The following ZNF469 variants were observed in gnomAD, a reference collection of about 807,000 sequenced individuals.
The protein encoded by ZNF469 is zinc finger protein 469.
A neutral mutation model predicts 1.0 loss-of-function variants in ZNF469; 1 was observed. The observed-to-expected ratio is 1.00, with a 90% CI of 0.35 to 4.73. The LOEUF (loss-of-function observed/expected upper bound fraction) is 4.73, where lower values mean the gene tolerates loss of function less well. ZNF469 is among the 30% of genes most tolerant of loss of function. The pLI, the probability that ZNF469 is intolerant of heterozygous loss-of-function variation, is 0.16. For synonymous variants in ZNF469, 2,703 were observed against 2,363.4 expected, an observed-to-expected ratio of 1.14 and a Z score of -4.17; for missense variants, 6,100 against 5,356.3, an observed-to-expected ratio of 1.14 and a Z score of -4.33.
the ZNF469 span, among the ~76,000 whole-genome samples, chr16:88,236,453 G>T: frequency 6.6e-6 from 1 of 152,202 alleles, no homozygotes; most frequent in Non-Finnish European, 1.5e-5. Context: ...TAGGGAGGCG[G>T]GTATAAAGAG....
At chr16:88,238,693 A>G in the ZNF469 span, among the ~76,000 whole-genome samples, 61 of 151,740 alleles carry the variant, frequency 4.0e-4, no homozygotes, top group Non-Finnish European at 1.5e-4. Context: ...CTTCCTATCA[A>G]CCCTCTTAAA....
At chr16:88,169,780 C>A in the ZNF469 span, among the ~76,000 whole-genome samples, 1 of 152,338 alleles carries the variant, frequency 6.6e-6, no homozygotes, top group East Asian at 1.9e-4. The surrounding 1 kb of genome is among the most constrained non-coding windows in gnomAD (Gnocchi z 6.1). Flanking sequence ...GTTGAACAAA[C>A]CCTTCTCCAG....
chr16:88,367,743 G>A, the ZNF469 span, among the ~76,000 whole-genome samples: 7 of 152,268 alleles, frequency 4.6e-5, no homozygotes, highest in South Asian at 4.2e-4. Context: ...GCTGCTCATC[G>A]GCTGGTCACT....
At chr16:88,321,703 C>T in the ZNF469 span, among the ~76,000 whole-genome samples, 287 of 152,076 alleles carry the variant, frequency 1.9e-3, 2 homozygotes, top group African/African-American at 6.5e-3. Context: ...TCAGATTCTG[C>T]ATGTAAGACC....
At chr16:88,272,467 CAG>C in the ZNF469 span, among the ~76,000 whole-genome samples, 7 of 118,616 alleles carry the variant, frequency 5.9e-5, no homozygotes, top group African/African-American at 2.3e-4. Flanking sequence ...GATGAATGAA[CAG>C]GGGGGTGTAT....
intron 1 of ZNF469, among the ~76,000 whole-genome samples, chr16:88,384,506 C>T (rs1046057780): frequency 1.2e-4 from 18 of 152,220 alleles, no homozygotes; most frequent in African/African-American, 4.3e-4. Flanking sequence ...CAGGCACCCT[C>T]GGAGGAGGTG....
the ZNF469 span, among the ~76,000 whole-genome samples, chr16:88,218,569 G>C: frequency 6.6e-6 from 1 of 151,950 alleles, no homozygotes; most frequent in African/African-American, 2.4e-5. Context: ...ATTCAACAAC[G>C]CTTCATGCTA....
the ZNF469 span, among the ~76,000 whole-genome samples, chr16:88,297,504 T>C: frequency 6.6e-6 from 1 of 152,170 alleles, no homozygotes; most frequent in South Asian, 2.1e-4. Flanking sequence ...TCACTGCCGC[T>C]GAGTCTCTCA....
At chr16:88,418,654 A>G (rs1415619284) in intron 1 of ZNF469, among the ~76,000 whole-genome samples, 1 of 151,886 alleles carries the variant, frequency 6.6e-6, no homozygotes, top group Non-Finnish European at 1.5e-5. Context: ...CCGATAAGAC[A>G]GGACGAACAC....
the ZNF469 span, among the ~76,000 whole-genome samples, chr16:88,290,954 G>A: frequency 6.6e-6 from 1 of 152,178 alleles, no homozygotes; most frequent in Non-Finnish European, 1.5e-5. Context: ...CCAGATCGGA[G>A]CGCGTCAGCC....
chr16:88,431,177 C>A lies in ZNF469; in HGVS notation c.3707C>A (p.Pro1236Gln), dbSNP rs745934280. 1.3e-6 allele frequency: 2 copies of A among 1,550,380 alleles called. No homozygotes were observed. The highest frequency in any genetic ancestry group is 2.0e-5 in the Admixed American group (1 of 51,008). Residue 1236 changes from proline (P) to glutamine (Q), a missense_variant, in exon 3 of 3, where the codon CCG (proline) becomes CAG (glutamine). Pro to Gln is a moderately conservative substitution (Grantham distance 76). Transcript: ENST00000565624. ...CCTGAAACTGCCGAAGAGTCAGCCC[C>A]GGACAGCACAGAATTCACAGAGGCT... ...KEPETAEESA[P>Q]DSTEFTEALR...
chr16:88,387,117 G>A (rs1385903899), intron 1 of ZNF469, among the ~76,000 whole-genome samples: 2 of 152,174 alleles, frequency 1.3e-5, no homozygotes, highest in Non-Finnish European at 1.5e-5. Context: ...CCAGGGGAGC[G>A]CCTTGTGCTA....
chr16:88,202,055 C>A, the ZNF469 span, among the ~76,000 whole-genome samples: 22 of 152,290 alleles, frequency 1.4e-4, no homozygotes, highest in Non-Finnish European at 2.8e-4. Context: ...GTGCTCCCCC[C>A]AGGAGTAGCC....
the ZNF469 span, among the ~76,000 whole-genome samples, chr16:88,119,900 G>C: frequency 2.6e-5 from 4 of 152,226 alleles, no homozygotes; most frequent in Non-Finnish European, 5.9e-5. Flanking sequence ...GGTTCAGTCA[G>C]ACCACATTTG....
the ZNF469 span, among the ~76,000 whole-genome samples, chr16:88,153,276 G>A: frequency 6.6e-6 from 1 of 152,314 alleles, no homozygotes; most frequent in Admixed American, 6.5e-5. Context: ...GCCTTCGTGG[G>A]GGGCCTGCGG....
intron 1 of ZNF469, among the ~76,000 whole-genome samples, chr16:88,387,184 G>A (rs1448917677): frequency 1.3e-5 from 2 of 152,160 alleles, no homozygotes; most frequent in Non-Finnish European, 2.9e-5. Flanking sequence ...CCGCACCCCT[G>A]AGGACCTTCC....
chr16:88,427,861 C>T lies in ZNF469; in HGVS notation c.391C>T (p.Pro131Ser). 1 of 1,549,484 alleles carries T rather than the reference C, an allele frequency of 6.5e-7. No homozygotes were observed. Among genetic ancestry groups the T allele is most frequent in the Non-Finnish European group, 8.7e-7 (1 of 1,146,794 alleles). ...GGGCATCGCCAGCTCGAGGACCAAG[C>T]CCACCCTGGACGAGACACCAGAGAA... Reference protein sequence around the residue: ...ILGIASSRTKPTLDETPENPQ... With the variant: ...ILGIASSRTKSTLDETPENPQ... Residue 131 changes from proline (P) to serine (S), a missense_variant, in exon 3 of 3, where the codon CCC (proline) becomes TCC (serine). Physicochemically the swap from Pro to Ser is moderately conservative, Grantham distance 74. Coordinates refer to ENST00000565624, the MANE Select transcript of ZNF469 (RefSeq NM_001367624.2).
At chr16:88,348,790 A>G in the ZNF469 span, among the ~76,000 whole-genome samples, 1 of 152,188 alleles carries the variant, frequency 6.6e-6, no homozygotes, top group East Asian at 1.9e-4. Context: ...GAAGAGTTGA[A>G]GAAGACCTGT....
chr16:88,251,598 G>T, the ZNF469 span, among the ~76,000 whole-genome samples: 1 of 110,306 alleles, frequency 9.1e-6, no homozygotes, highest in Non-Finnish European at 1.7e-5. Flanking sequence ...TTGCTGTGTC[G>T]CCCAGGTTAC....
Sources: allele counts gnomAD v4.1 joint callset (sites outside exome capture counted in the v4.1 genomes callset), GRCh38; gene constraint gnomAD v4.1.1; non-coding constraint Gnocchi (gnomAD v3.1); transcripts MANE v1.5; gene names NCBI Gene and HGNC (gene_info 2026-07-23, HGNC 2026-07-21).